TYW1B: variants seen among roughly 807,000 people sequenced by gnomAD.
TYW1B encodes the protein S-adenosyl-L-methionine-dependent tRNA 4-demethylwyosine synthase TYW1B.
Under a neutral mutation model 86.9 loss-of-function variants are expected in TYW1B, and 73 were observed. That is an observed-to-expected ratio of 0.84 (90% CI 0.70 to 1.02). The LOEUF is 1.02. Ranked by LOEUF, TYW1B falls within the 50% of genes least tolerant of loss-of-function variation. The probability of loss-of-function intolerance (pLI) is 0.00; values close to 1 mark genes in which losing one functional copy is unlikely to be tolerated. For synonymous variants in TYW1B, 248 were observed against 292.8 expected, an observed-to-expected ratio of 0.85 and a Z score of 1.56; for missense variants, 637 against 827.4, an observed-to-expected ratio of 0.77 and a Z score of 2.82.
intron 11 of TYW1B, among the ~76,000 whole-genome samples, chr7:72,640,761 C>G (rs1812783241): frequency 6.6e-6 from 1 of 152,064 alleles, no homozygotes; most frequent in African/African-American, 2.4e-5. Context: ...TCTCAGTAAC[C>G]AATAACATAA....
intron 12 of TYW1B, among the ~76,000 whole-genome samples, chr7:72,619,162 G>A (rs1163258692): frequency 6.6e-6 from 1 of 152,056 alleles, no homozygotes; most frequent in African/African-American, 2.4e-5. Context: ...ACCTGCACAG[G>A]AAGACAAATT....
intron 11 of TYW1B, among the ~76,000 whole-genome samples, chr7:72,646,359 G>A (rs1318607226): frequency 6.6e-6 from 1 of 151,860 alleles, no homozygotes; most frequent in African/African-American, 2.4e-5. Context: ...ACTGTGCCTG[G>A]CCTAAAAAGT....
At chr7:72,822,034 C>G (rs533574997) in intron 2 of TYW1B, among the ~76,000 whole-genome samples, 34 of 151,550 alleles carry the variant, frequency 2.2e-4, no homozygotes, top group African/African-American at 7.7e-4. Context: ...TCACTTGAGG[C>G]TAGGAGTTTG....
At chr7:72,825,573 G>A (rs191691653) in intron 2 of TYW1B, among the ~76,000 whole-genome samples, 5 of 152,136 alleles carry the variant, frequency 3.3e-5, no homozygotes, top group African/African-American at 9.7e-5. Flanking sequence ...CCAGCTACTC[G>A]GGAGGCTGAG....
intron 2 of TYW1B, among the ~76,000 whole-genome samples, chr7:72,823,656 AAAAT>A (rs1554480959): frequency 1.3e-5 from 2 of 151,924 alleles, no homozygotes; most frequent in African/African-American, 2.4e-5. Flanking sequence ...GAAATAAAAT[AAAAT>A]AAATAAAAAT....
At position 72,588,163 on chromosome 7, in the gene TYW1B, C is replaced by T. The variant is rs571558028; in HGVS notation, c.1786-12444G>A. ...TAGGATTCACATGGTAACAGTTGCCCGTGGAACCATTTTCACAGACAAAAC... is the reference window on the plus strand; with the variant it reads ...TAGGATTCACATGGTAACAGTTGCCTGTGGAACCATTTTCACAGACAAAAC... On this transcript the variant is annotated intron_variant, in intron 13 of 13. Coordinates refer to ENST00000620995, the MANE Select transcript of TYW1B (RefSeq NM_001145440.3). 6.6e-5 allele frequency among the ~76,000 whole-genome samples: 10 copies of T among 152,292 alleles called. No individual in the cohort carries two copies. In the South Asian group the frequency reaches 8.3e-4, roughly 13 times the overall value.
chr7:72,633,064 T>C (rs1457019098), intron 11 of TYW1B, among the ~76,000 whole-genome samples: 3 of 152,242 alleles, frequency 2.0e-5, no homozygotes, highest in Non-Finnish European at 4.4e-5. Context: ...GATAGCCTTC[T>C]TGTGCATTAG....
At chr7:72,640,833 T>C (rs1182353248) in intron 11 of TYW1B, among the ~76,000 whole-genome samples, 1 of 151,986 alleles carries the variant, frequency 6.6e-6, no homozygotes, top group Non-Finnish European at 1.5e-5. Context: ...ACAGAACATA[T>C]GAACGACATG....
intron 7 of TYW1B, among the ~76,000 whole-genome samples, chr7:72,754,259 C>A (rs1319173606): frequency 6.6e-6 from 1 of 152,054 alleles, no homozygotes; most frequent in Non-Finnish European, 1.5e-5. Flanking sequence ...TCTGCCTCAG[C>A]CTCCTGAGTG....
At chr7:72,658,920 A>C (rs200280365) in intron 11 of TYW1B, among the ~76,000 whole-genome samples, 15 of 152,160 alleles carry the variant, frequency 9.9e-5, no homozygotes, top group East Asian at 9.7e-4. Context: ...GGGGCTTTGC[A>C]ATGTTGGCCA....
rs79825533 is a variant in TYW1B at position 72,753,344 on chromosome 7, T to C, written c.965-8743A>G. Among the ~76,000 whole-genome samples, 668 of 152,150 alleles carry C rather than the reference T, an allele frequency of 4.4e-3. 6 individuals carry two copies. The highest frequency in any genetic ancestry group is 0.015 in the African/African-American group (606 of 41,532). On this transcript the variant is annotated intron_variant, in intron 7 of 13. Coordinates refer to ENST00000620995, the MANE Select transcript of TYW1B (RefSeq NM_001145440.3). ...ATTCCATAATAAAGTTCTAAAGACA[T>C]AGAAGAAAGCATAACTGAACAAAGG...
intron 7 of TYW1B, among the ~76,000 whole-genome samples, chr7:72,773,628 G>A (rs1481653398): frequency 1.3e-5 from 2 of 152,194 alleles, no homozygotes; most frequent in Non-Finnish European, 2.9e-5. Flanking sequence ...GTCTACAGCG[G>A]ATTTCTCTCA....
At chr7:72,631,769 C>T (rs554362690) in intron 11 of TYW1B, among the ~76,000 whole-genome samples, 25 of 151,952 alleles carry the variant, frequency 1.6e-4, no homozygotes, top group African/African-American at 5.8e-4. Context: ...AACAGCTTTC[C>T]AAGGATACAG....
intron 13 of TYW1B, among the ~76,000 whole-genome samples, chr7:72,601,249 TG>T (rs1282369784): frequency 6.6e-6 from 1 of 151,580 alleles, no homozygotes; most frequent in African/African-American, 2.4e-5. Context: ...AATAAGCATA[TG>T]AAAAGATGCT....
chr7:72,585,434 C>T (rs1326869165), intron 13 of TYW1B, among the ~76,000 whole-genome samples: 1 of 152,172 alleles, frequency 6.6e-6, no homozygotes, highest in Non-Finnish European at 1.5e-5. Flanking sequence ...TAACACTATA[C>T]CATTCTTTAT....
intron 13 of TYW1B, among the ~76,000 whole-genome samples, chr7:72,610,635 G>A (rs1563029098): frequency 1.3e-5 from 2 of 152,084 alleles, no homozygotes. Flanking sequence ...GTTTGTTGTT[G>A]TTGTTGTTGT....
At chr7:72,746,802 C>T (rs781501398) in intron 7 of TYW1B, among the ~76,000 whole-genome samples, 21 of 152,082 alleles carry the variant, frequency 1.4e-4, no homozygotes, top group Non-Finnish European at 2.9e-4. Flanking sequence ...CAGAGGTGTG[C>T]GGTCCAAATC....
chr7:72,792,146 T>C (rs1408599360), intron 6 of TYW1B, among the ~76,000 whole-genome samples: 2 of 151,986 alleles, frequency 1.3e-5, no homozygotes, highest in Non-Finnish European at 2.9e-5. Context: ...CTGGCCAACA[T>C]GGTGAAACCC....
In TYW1B at chr7:72,810,576, T is replaced by G. The variant is rs782780891; in HGVS notation, c.327A>C (p.Leu109Phe). The change falls in exon 4 of 14, where the codon TTA (leucine) becomes TTC (phenylalanine). Residue 109 changes from leucine to phenylalanine, a missense_variant. Coordinates refer to ENST00000620995, the MANE Select transcript of TYW1B (RefSeq NM_001145440.3). ...TESAEWFCKW[L>F]EEASIDFRFG... is the part of the protein sequence containing the mutation. ...ATCGAAAATCAATGGATGCTTCCTC[T>G]AACCATTTGCAGAACCACTCTGCAC... 1.4e-4 allele frequency: 224 copies of G among 1,613,976 alleles called. 4 individuals carry two copies. The South Asian group carries it at 2.3e-3, about 17-fold the overall frequency.
Sources: gnomAD v4.1 joint callset for allele counts (sites outside exome capture counted in the v4.1 genomes callset) on GRCh38, gnomAD v4.1.1 for gene constraint, MANE v1.5 for transcripts, NCBI Gene and HGNC (gene_info 2026-07-23, HGNC 2026-07-21) for gene names.